Variants in FAT3 observed in about 807,000 individuals in gnomAD.
FAT3 encodes the protein protocadherin Fat 3.
Under a neutral mutation model 310.2 loss-of-function variants are expected in FAT3, and 95 were observed. The observed-to-expected ratio is 0.31, with a 90% CI of 0.26 to 0.36. The LOEUF (loss-of-function observed/expected upper bound fraction) is 0.36, where lower values mean the gene tolerates loss of function less well. Ranked by LOEUF, FAT3 falls within the 10% of genes least tolerant of loss-of-function variation. FAT3 has a pLI of 1.00. For missense variants in FAT3, 5,408 were observed against 5,715.6 expected (o/e 0.95, Z 1.74); for synonymous variants, 2,314 against 2,192.9 (o/e 1.06, Z -1.54).
intron 4 of FAT3, among the ~76,000 whole-genome samples, chr11:92,700,772 C>T (rs1944075605): frequency 1.3e-5 from 2 of 152,118 alleles, no homozygotes; most frequent in African/African-American, 4.8e-5. Flanking sequence ...CAATATCAAT[C>T]TCTCTCTCCC....
intron 3 of FAT3, among the ~76,000 whole-genome samples, chr11:92,531,553 A>G (rs1168263329): frequency 6.6e-6 from 1 of 152,096 alleles, no homozygotes; most frequent in African/African-American, 2.4e-5. Flanking sequence ...GCTCAGAGGT[A>G]CTTCCTGGAA....
chr11:92,865,813 A>G (rs936755577), intron 21 of FAT3, among the ~76,000 whole-genome samples: 8 of 152,254 alleles, frequency 5.3e-5, no homozygotes, highest in African/African-American at 1.9e-4. Flanking sequence ...AGGATCCTCC[A>G]TAGCACATGC....
chr11:92,413,113 CT>C, intron 2 of FAT3, among the ~76,000 whole-genome samples: 1 of 152,296 alleles, frequency 6.6e-6, no homozygotes, highest in East Asian at 1.9e-4. Flanking sequence ...ACCCCAACCC[CT>C]GTCAATCACT....
intron 3 of FAT3, among the ~76,000 whole-genome samples, chr11:92,591,372 T>C (rs1162119511): frequency 5.9e-5 from 9 of 152,118 alleles, no homozygotes; most frequent in African/African-American, 2.2e-4. Context: ...TCCTTACTTA[T>C]ATGTAGCACT....
chr11:92,509,929 T>C (rs1953237776), intron 2 of FAT3, among the ~76,000 whole-genome samples: 1 of 152,202 alleles, frequency 6.6e-6, no homozygotes, highest in Non-Finnish European at 1.5e-5. Context: ...ATTTTTTAAA[T>C]GCAGAGATTT....
At chr11:92,337,391 C>T (rs1191562990) in intron 1 of FAT3, among the ~76,000 whole-genome samples, 1 of 152,142 alleles carries the variant, frequency 6.6e-6, no homozygotes, top group Non-Finnish European at 1.5e-5. Flanking sequence ...AGGCTGGGAG[C>T]TAACATTTTT....
chr11:92,582,913 T>C (rs1286905113), intron 3 of FAT3, among the ~76,000 whole-genome samples: 1 of 152,060 alleles, frequency 6.6e-6, no homozygotes, highest in Non-Finnish European at 1.5e-5. Flanking sequence ...GCCTAGTCAC[T>C]GTAAGTACTA....
chr11:92,412,603 C>T (rs570653780), intron 2 of FAT3, among the ~76,000 whole-genome samples: 116 of 144,200 alleles, frequency 8.0e-4, no homozygotes, highest in Non-Finnish European at 1.3e-3. Flanking sequence ...TTTTTTCTAA[C>T]ATATTTAGCT....
intron 2 of FAT3, among the ~76,000 whole-genome samples, chr11:92,415,269 C>T (rs1421380107): frequency 6.6e-6 from 1 of 152,144 alleles, no homozygotes; most frequent in African/African-American, 2.4e-5. Flanking sequence ...AATGTGTTCT[C>T]GTTTGATCTA....
chr11:92,422,239 C>A (rs1258711419), intron 2 of FAT3, among the ~76,000 whole-genome samples: 1 of 152,148 alleles, frequency 6.6e-6, no homozygotes, highest in East Asian at 1.9e-4. Flanking sequence ...CTTTCCACAA[C>A]AATTTTTCTC....
Position 92,800,070 on chromosome 11 carries a change from G to T in FAT3, c.7057G>T (p.Asp2353Tyr), listed in dbSNP as rs1211391584. ...CTTAATCCTGACAGCACGAATGCTG[G>T]ACCATGAGTTAGTACAACACTGCAC... ...SGLILTARML[D>Y]HELVQHCTLK... Residue 2353 changes from aspartate to tyrosine, a missense_variant, in exon 10 of 28, where the codon GAC (aspartate) becomes TAC (tyrosine). Transcript: ENST00000525166. 1 of 1,613,788 alleles carries T rather than the reference G, an allele frequency of 6.2e-7. No homozygotes were observed. Among genetic ancestry groups the T allele is most frequent in the Non-Finnish European group, 8.5e-7 (1 of 1,179,874 alleles).
At chr11:92,654,117 T>C (rs1476784777) in intron 3 of FAT3, among the ~76,000 whole-genome samples, 4 of 152,226 alleles carry the variant, frequency 2.6e-5, no homozygotes, top group Non-Finnish European at 4.4e-5. Context: ...GGACTTTAGC[T>C]ATATTGTACC....
At chr11:92,560,766 C>CAG (rs1466120207) in intron 3 of FAT3, among the ~76,000 whole-genome samples, 4 of 152,176 alleles carry the variant, frequency 2.6e-5, no homozygotes, top group African/African-American at 9.6e-5. Context: ...ACTGTAGGTG[C>CAG]TGGCAGATCT....
chr11:92,268,522 A>G (rs1190196172), intron 1 of FAT3, among the ~76,000 whole-genome samples: 2 of 151,414 alleles, frequency 1.3e-5, no homozygotes, highest in East Asian at 3.9e-4. Context: ...TGAGTCTGTA[A>G]TTTCAAAATT....
intron 3 of FAT3, among the ~76,000 whole-genome samples, chr11:92,645,083 T>C (rs1467426664): frequency 6.6e-6 from 1 of 152,238 alleles, no homozygotes. Flanking sequence ...TCAGTCCATG[T>C]TAAGAAGTTT....
chr11:92,268,898 A>G (rs2134328938), intron 1 of FAT3, among the ~76,000 whole-genome samples: 1 of 152,112 alleles, frequency 6.6e-6, no homozygotes, highest in South Asian at 2.1e-4. Context: ...TTTTTGTTGC[A>G]GTAAAGGGAG....
rs372072090 is a variant in FAT3, at chr11:92,635,543, A to G, written c.3608-61841A>G. ...AATTATATGGAGAAGAAGAGTTCTT[A>G]GGCTTCAACTCAGGGTGTGATTTTT... is the stretch of plus-strand genomic sequence containing the variant. On this transcript the variant is annotated intron_variant, in intron 3 of 27. Coordinates refer to ENST00000525166, the MANE Select transcript of FAT3 (RefSeq NM_001367949.2). Among the ~76,000 whole-genome samples the G allele has an allele frequency of 2.6e-5, 4 of 152,356 alleles. No individual in the cohort carries two copies. The East Asian group carries it at 5.8e-4, about 22-fold the overall frequency.
chr11:92,522,582 T>C (rs1953722262), intron 2 of FAT3, among the ~76,000 whole-genome samples: 1 of 152,158 alleles, frequency 6.6e-6, no homozygotes, highest in Admixed American at 6.5e-5. Flanking sequence ...CAATAAGTGC[T>C]ACCAGGCAAA....
At chr11:92,248,705 T>C (rs1280920708) in intron 1 of FAT3, among the ~76,000 whole-genome samples, 1 of 152,140 alleles carries the variant, frequency 6.6e-6, no homozygotes, top group African/African-American at 2.4e-5. Context: ...GGAACAGTAC[T>C]TGGAATTCAA....
Sources: gnomAD v4.1 joint callset for allele counts (sites outside exome capture counted in the v4.1 genomes callset) on GRCh38, gnomAD v4.1.1 for gene constraint, MANE v1.5 for transcripts, NCBI Gene and HGNC (gene_info 2026-07-23, HGNC 2026-07-21) for gene names.